The following MAN1A2 variants were observed in gnomAD, a reference collection of about 807,000 sequenced individuals.
MAN1A2 encodes mannosyl-oligosaccharide 1,2-alpha-mannosidase IB.
In MAN1A2, 26 loss-of-function variants were observed where a neutral mutation model predicts 75.7. That is an observed-to-expected ratio of 0.34 (90% CI 0.25 to 0.48). MAN1A2 has a LOEUF of 0.48. Among genes scored for constraint, MAN1A2 ranks in the 20% least tolerant of loss-of-function variants. MAN1A2 has a pLI of 0.99. For missense variants in MAN1A2, 562 were observed against 775.5 expected, an observed-to-expected ratio of 0.72 and a Z score of 3.27; for synonymous variants, 247 against 264.6, an observed-to-expected ratio of 0.93 and a Z score of 0.65.
chr1:117,405,420 T>C (rs1296868363), intron 2 of MAN1A2, 129 bp from the exon 3 acceptor site: 4 of 649,712 alleles, frequency 6.2e-6, no homozygotes, highest in East Asian at 2.7e-5. Context: ...CAAATGCTAA[T>C]TGAATAATGT....
rs1652030408 is a variant in MAN1A2, at chr1:117,526,750, CA to C, written c.*3796del. 6.7e-6 allele frequency: 1 copy of C among 150,044 alleles called. No homozygotes were observed. The highest frequency in any genetic ancestry group is 2.4e-5 in the African/African-American group (1 of 41,006). The allele number at this position is 150,044 out of a possible 1,614,324, so 9.3% of individuals were successfully genotyped here. On this transcript the variant is annotated 3_prime_UTR_variant, in exon 13 of 13. Coordinates refer to ENST00000356554, the MANE Select transcript of MAN1A2 (RefSeq NM_006699.5). ...ATAAAGAAAAATATACTAAAATATTCAAAGTTCCAAATAACAGTTCCTAGTA... is the reference window on the plus strand; with the variant it reads ...ATAAAGAAAAATATACTAAAATATTCAAGTTCCAAATAACAGTTCCTAGTA...
At chr1:117,429,533 C>T (rs865937204) in intron 5 of MAN1A2, among the ~76,000 whole-genome samples, 52 of 58,010 alleles carry the variant, frequency 9.0e-4, no homozygotes, top group South Asian at 1.2e-3. Context: ...GGCGGGGGGC[C>T]GACCCCCCCA....
chr1:117,409,191 T>A (rs542777642), intron 3 of MAN1A2, among the ~76,000 whole-genome samples: 34 of 152,270 alleles, frequency 2.2e-4, no homozygotes, highest in Middle Eastern at 6.8e-3. Flanking sequence ...GCTCTTGTTT[T>A]TCCAGTGTCT....
chr1:117,523,453 G>A lies in MAN1A2; in HGVS notation c.*496G>A. Reference sequence around the variant, plus strand: ...TGAACTAAAATAAACAAGAACAAAAGAATAGTATAATTATATCAGTAACAA... The same window carrying A: ...TGAACTAAAATAAACAAGAACAAAAAAATAGTATAATTATATCAGTAACAA... On this transcript the variant is annotated 3_prime_UTR_variant, in exon 13 of 13. Coordinates refer to ENST00000356554, the MANE Select transcript of MAN1A2 (RefSeq NM_006699.5). The A allele has an allele frequency of 3.2e-6, 1 of 310,634 alleles. No homozygotes were observed. Among genetic ancestry groups the A allele is most frequent in the East Asian group, 8.4e-5 (1 of 11,838 alleles). 19.2% of individuals were successfully genotyped at this position (310,634 alleles called of 1,614,324 possible).
chr1:117,400,329 T>C (rs1489618755), intron 1 of MAN1A2, among the ~76,000 whole-genome samples: 1 of 151,906 alleles, frequency 6.6e-6, no homozygotes, highest in Non-Finnish European at 1.5e-5. Flanking sequence ...ATAACTCTTT[T>C]TTTTTCTCCA....
intron 8 of MAN1A2, among the ~76,000 whole-genome samples, chr1:117,469,983 T>G (rs571959206): frequency 1.3e-5 from 2 of 152,182 alleles, no homozygotes; most frequent in African/African-American, 4.8e-5. Context: ...CCCAGAAGAT[T>G]TGAAAACAGA....
At chr1:117,383,063 A>G (rs1337809333) in intron 1 of MAN1A2, among the ~76,000 whole-genome samples, 1 of 152,176 alleles carries the variant, frequency 6.6e-6, no homozygotes, top group African/African-American at 2.4e-5. Flanking sequence ...AACTTCCAGT[A>G]CAGTTTCAAA....
At chr1:117,513,618 C>A (rs1570804505) in intron 12 of MAN1A2, among the ~76,000 whole-genome samples, 1 of 151,630 alleles carries the variant, frequency 6.6e-6, no homozygotes, top group East Asian at 1.9e-4. Context: ...GTAATTTCAT[C>A]TAATTTACTA....
chr1:117,399,760 AG>A (rs1458296123), intron 1 of MAN1A2, among the ~76,000 whole-genome samples: 1 of 152,190 alleles, frequency 6.6e-6, no homozygotes, highest in Admixed American at 6.5e-5. Flanking sequence ...AGACAGGAAT[AG>A]GTGGTTGGGT....
Position 117,524,938 on chromosome 1 carries a change from G to A in MAN1A2, c.*1981G>A. 5.9e-6 allele frequency: 2 copies of A among 336,542 alleles called. No individual in the cohort carries two copies. Among genetic ancestry groups the A allele is most frequent in the Non-Finnish European group, 6.0e-6 (1 of 166,650 alleles). The allele number at this position is 336,542 out of a possible 1,614,324, so 20.8% of individuals were successfully genotyped here. A position where few individuals can be genotyped will look rare whatever the true frequency, so the allele number is the denominator to read the frequency against. ...AATGTTAGCCTTCCTCGTAAAAGTAGCACAAGCCCACTTATGAATCACTGA... is the reference window on the plus strand; with the variant it reads ...AATGTTAGCCTTCCTCGTAAAAGTAACACAAGCCCACTTATGAATCACTGA... On this transcript the variant is annotated 3_prime_UTR_variant, in exon 13 of 13. Transcript: ENST00000356554.
intron 5 of MAN1A2, among the ~76,000 whole-genome samples, chr1:117,434,795 G>A (rs1223182905): frequency 1.6e-5 from 2 of 126,310 alleles, no homozygotes; most frequent in African/African-American, 3.0e-5. Flanking sequence ...GTGTGTGTGT[G>A]TATCCATTCA....
chr1:117,393,884 G>T (rs972172975), intron 1 of MAN1A2, among the ~76,000 whole-genome samples: 3 of 152,142 alleles, frequency 2.0e-5, no homozygotes, highest in African/African-American at 7.2e-5. Context: ...TATCATAGAA[G>T]AAATAATGTA....
chr1:117,487,502 T>C (rs1650749209), intron 8 of MAN1A2, among the ~76,000 whole-genome samples: 1 of 152,038 alleles, frequency 6.6e-6, no homozygotes, highest in Non-Finnish European at 1.5e-5. Flanking sequence ...AAGAAAGTCA[T>C]AGTTAAAACA....
intron 11 of MAN1A2, among the ~76,000 whole-genome samples, chr1:117,501,570 C>G (rs1182798538): frequency 6.6e-6 from 1 of 151,722 alleles, no homozygotes; most frequent in African/African-American, 2.4e-5. Context: ...TCTTATTATT[C>G]TTAAACCATT....
At chr1:117,425,859 TA>T (rs896971788) in intron 5 of MAN1A2, among the ~76,000 whole-genome samples, 1 of 152,224 alleles carries the variant, frequency 6.6e-6, no homozygotes, top group African/African-American at 2.4e-5. Flanking sequence ...TTAGAACTAT[TA>T]AAAATAAAAG....
At chr1:117,514,088 C>G (rs556979859) in intron 12 of MAN1A2, among the ~76,000 whole-genome samples, 13 of 152,214 alleles carry the variant, frequency 8.5e-5, no homozygotes, top group African/African-American at 3.1e-4. Context: ...ACAGGCTGGG[C>G]ACAGTGGCTC....
At chr1:117,448,459 A>G (rs918904742) in intron 6 of MAN1A2, among the ~76,000 whole-genome samples, 7 of 152,218 alleles carry the variant, frequency 4.6e-5, no homozygotes, top group Non-Finnish European at 1.0e-4. Flanking sequence ...AGGACTTTAC[A>G]TAGCTATTGT....
chr1:117,403,800 C>T lies in MAN1A2; in HGVS notation c.558+1359C>T, dbSNP rs76140391. On this transcript the variant is annotated intron_variant, in intron 2 of 12. Coordinates refer to ENST00000356554, the MANE Select transcript of MAN1A2 (RefSeq NM_006699.5). Reference sequence around the variant, plus strand: ...ACTGCAGTGGCTAGGAGTTCTAATACATTGTTCAAAGTAAGTGGCGAGAAT... The same window carrying T: ...ACTGCAGTGGCTAGGAGTTCTAATATATTGTTCAAAGTAAGTGGCGAGAAT... 8.4e-3 allele frequency among the ~76,000 whole-genome samples: 1,279 copies of T among 152,146 alleles called. 8 individuals carry two copies. Among genetic ancestry groups the T allele is most frequent in the Non-Finnish European group, 0.015 (1,023 of 68,000 alleles).
At chr1:117,501,048 T>C (rs1473600019) in intron 11 of MAN1A2, among the ~76,000 whole-genome samples, 1 of 151,830 alleles carries the variant, frequency 6.6e-6, no homozygotes, top group East Asian at 1.9e-4. Context: ...CTTTTTGTCA[T>C]TGAGGAATAC....
Sources: allele counts gnomAD v4.1 joint callset (sites outside exome capture counted in the v4.1 genomes callset), GRCh38; gene constraint gnomAD v4.1.1; transcripts MANE v1.5; gene names NCBI Gene and HGNC (gene_info 2026-07-23, HGNC 2026-07-21).